The following COL23A1 variants were observed in gnomAD, a reference collection of about 807,000 sequenced individuals.
COL23A1 encodes the protein collagen type XXIII alpha 1 chain, also known as collagen alpha-1(XXIII) chain.
A neutral mutation model predicts 99.3 loss-of-function variants in COL23A1; 97 were observed. That is an observed-to-expected ratio of 0.98 (90% CI 0.83 to 1.16). The LOEUF (loss-of-function observed/expected upper bound fraction) is 1.16, where lower values mean the gene tolerates loss of function less well. Ranked by LOEUF, COL23A1 falls within the 50% of genes most tolerant of loss-of-function variation. The probability of loss-of-function intolerance (pLI) is 0.00; values close to 1 mark genes in which losing one functional copy is unlikely to be tolerated. For synonymous variants in COL23A1, 320 were observed against 308.2 expected (o/e 1.04, Z -0.40); for missense variants, 762 against 757.4 (o/e 1.01, Z -0.07).
At chr5:178,586,935 C>T (rs993990578) in intron 1 of COL23A1, among the ~76,000 whole-genome samples, 35 of 152,208 alleles carry the variant, frequency 2.3e-4, no homozygotes, top group Non-Finnish European at 4.1e-4. Context: ...ACTCGAGTCT[C>T]TGGGCTTTTC....
Position 178,551,953 on chromosome 5 carries a change from A to G in COL23A1, c.361+8729T>C, listed in dbSNP as rs551822144. On this transcript the variant is annotated intron_variant, in intron 2 of 28. Coordinates refer to ENST00000390654, the MANE Select transcript of COL23A1 (RefSeq NM_173465.4). ...ACCTTCCAAGCAAACAAGAGTTCCC[A>G]CCGGTGCTCGGAGCTCCCCTCTGCC... Among the ~76,000 whole-genome samples, 4 of 152,096 alleles carry G rather than the reference A, an allele frequency of 2.6e-5. No individual in the cohort carries two copies. The East Asian group carries it at 5.8e-4, about 22-fold the overall frequency.
chr5:178,564,925 G>A (rs1762769617), intron 1 of COL23A1, among the ~76,000 whole-genome samples: 1 of 152,168 alleles, frequency 6.6e-6, no homozygotes, highest in South Asian at 2.1e-4. Context: ...TCCTACTCTG[G>A]AGAATATATC....
intron 3 of COL23A1, among the ~76,000 whole-genome samples, chr5:178,302,997 C>CTGTT (rs556404781): frequency 5.3e-5 from 8 of 152,158 alleles, no homozygotes; most frequent in Admixed American, 1.3e-4. Context: ...TGTGACACTG[C>CTGTT]TGTTTGTTTG....
intron 2 of COL23A1, among the ~76,000 whole-genome samples, chr5:178,435,648 T>C (rs1766517367): frequency 6.6e-6 from 1 of 152,104 alleles, no homozygotes; most frequent in South Asian, 2.1e-4. Context: ...GCTGCAGAAT[T>C]TCTGATGAGG....
At chr5:178,277,647 G>A (rs571803067) in intron 5 of COL23A1, among the ~76,000 whole-genome samples, 7 of 152,202 alleles carry the variant, frequency 4.6e-5, no homozygotes, top group African/African-American at 1.2e-4. Context: ...CTGTGAAACC[G>A]GCTGGCTTCT....
chr5:178,481,483 C>A (rs1456279301), intron 2 of COL23A1, among the ~76,000 whole-genome samples: 1 of 151,958 alleles, frequency 6.6e-6, no homozygotes, highest in African/African-American at 2.4e-5. Context: ...GATTAATAAC[C>A]AGAACATATA....
In COL23A1 at chr5:178,261,887, G is replaced by A. The variant is rs115507248; in HGVS notation, c.676-139C>T. On this transcript the variant is annotated intron_variant, in intron 10 of 28. Coordinates refer to ENST00000390654, the MANE Select transcript of COL23A1 (RefSeq NM_173465.4). ...CTGGGCTGCCGTCAGAAGCAGGCTG[G>A]AGCTGCCCACCCTGGGCCTGACTCC... is the stretch of plus-strand genomic sequence containing the variant. 7.2e-4 allele frequency: 543 copies of A among 759,242 alleles called. 3 individuals are homozygous for A. In the African/African-American group the frequency reaches 8.2e-3, roughly 12 times the overall value. The allele number at this position is 759,242 out of a possible 1,614,324, so 47.0% of individuals were successfully genotyped here.
At chr5:178,269,591 A>AATCCATCCATCCATCCATCC (rs535673246) in intron 6 of COL23A1, among the ~76,000 whole-genome samples, 13 of 90,702 alleles carry the variant, frequency 1.4e-4, no homozygotes, top group Admixed American at 2.4e-4. Flanking sequence ...CTCATCCATC[A>AATCCATCCATCCATCCATCC]ATCCATCCAT....
At chr5:178,487,953 C>A (rs1230043973) in intron 2 of COL23A1, among the ~76,000 whole-genome samples, 1 of 152,206 alleles carries the variant, frequency 6.6e-6, no homozygotes, top group Non-Finnish European at 1.5e-5. Context: ...GGGTTAAGAA[C>A]AAATAAGACA....
chr5:178,450,286 A>T (rs1218501393), intron 2 of COL23A1, among the ~76,000 whole-genome samples: 1 of 152,070 alleles, frequency 6.6e-6, no homozygotes, highest in Non-Finnish European at 1.5e-5. Context: ...GGTAAGAAAA[A>T]CGTTAGGATG....
chr5:178,523,147 T>A lies in COL23A1; in HGVS notation c.361+37535A>T, dbSNP rs536018193. The stretch of plus-strand genomic sequence containing the variant: ...GAAACTCTGTCTCTATTTAAAAATA[T>A]ATATATATATATATACATATATATA... On this transcript the variant is annotated intron_variant, in intron 2 of 28. Coordinates refer to ENST00000390654, the MANE Select transcript of COL23A1 (RefSeq NM_173465.4). 3.7e-3 allele frequency among the ~76,000 whole-genome samples: 336 copies of A among 91,118 alleles called. 2 individuals carry two copies. The highest frequency in any genetic ancestry group is 0.011 in the African/African-American group (312 of 28,354). 59.8% of individuals were successfully genotyped at this position (91,118 alleles called of 152,430 possible).
intron 3 of COL23A1, among the ~76,000 whole-genome samples, chr5:178,300,001 G>A (rs1158209498): frequency 6.6e-6 from 1 of 151,940 alleles, no homozygotes; most frequent in African/African-American, 2.4e-5. Flanking sequence ...TGATCCGCCC[G>A]CCTTGGCCTC....
At chr5:178,436,606 G>A (rs1766577242) in intron 2 of COL23A1, among the ~76,000 whole-genome samples, 1 of 152,230 alleles carries the variant, frequency 6.6e-6, no homozygotes, top group Admixed American at 6.5e-5. Context: ...GCTCCAGAAT[G>A]CTGAGCGAGG....
chr5:178,319,670 C>T (rs570810248), intron 2 of COL23A1, among the ~76,000 whole-genome samples: 1 of 152,310 alleles, frequency 6.6e-6, no homozygotes, highest in African/African-American at 2.4e-5. Context: ...GAACCGTGGA[C>T]CAGCGCCCTC....
At chr5:178,453,203 GAC>G (rs1440045809) in intron 2 of COL23A1, among the ~76,000 whole-genome samples, 3 of 152,082 alleles carry the variant, frequency 2.0e-5, no homozygotes, top group Non-Finnish European at 4.4e-5. Flanking sequence ...GAGAACAAGA[GAC>G]ACACACACAA....
chr5:178,342,525 G>A (rs951985653), intron 2 of COL23A1, among the ~76,000 whole-genome samples: 2 of 152,204 alleles, frequency 1.3e-5, no homozygotes, highest in Non-Finnish European at 2.9e-5. Flanking sequence ...TCTGGGTTGA[G>A]CTTCCCTGGG....
intron 2 of COL23A1, among the ~76,000 whole-genome samples, chr5:178,460,015 T>A (rs1756030360): frequency 6.6e-6 from 1 of 152,226 alleles, no homozygotes; most frequent in African/African-American, 2.4e-5. Flanking sequence ...TCCTTCTTTA[T>A]ATTTTCTGTT....
chr5:178,319,586 T>C (rs1759173405), intron 2 of COL23A1, among the ~76,000 whole-genome samples: 1 of 152,206 alleles, frequency 6.6e-6, no homozygotes, highest in South Asian at 2.1e-4. Flanking sequence ...AAGCTGGGCA[T>C]GCAACATGCG....
chr5:178,539,869 AG>A (rs1761194949), intron 2 of COL23A1, among the ~76,000 whole-genome samples: 1 of 152,244 alleles, frequency 6.6e-6, no homozygotes, highest in Admixed American at 6.5e-5. Flanking sequence ...CCTAAACAAA[AG>A]ATTAGCAAAT....
Sources: allele counts gnomAD v4.1 joint callset (sites outside exome capture counted in the v4.1 genomes callset), GRCh38; gene constraint gnomAD v4.1.1; transcripts MANE v1.5; gene names NCBI Gene and HGNC (gene_info 2026-07-23, HGNC 2026-07-21).